Variants in SSUH2 observed in about 807,000 individuals in gnomAD.
SSUH2 encodes the protein protein SSUH2 homolog.
In SSUH2, 47 loss-of-function variants were observed where a neutral mutation model predicts 55.3. That is an observed-to-expected ratio of 0.85 (90% confidence interval 0.67 to 1.08). The LOEUF (loss-of-function observed/expected upper bound fraction) is 1.08. Among genes scored for constraint, SSUH2 ranks in the 50% least tolerant of loss-of-function variants. The probability of loss-of-function intolerance (pLI) is 0.00; values close to 1 mark genes in which losing one functional copy is unlikely to be tolerated. For missense variants in SSUH2, 535 were observed against 490.7 expected (o/e 1.09, Z -0.85); for synonymous variants, 212 against 191.5 (o/e 1.11, Z -0.89).
chr3:8,642,945 C>T (rs145526755), intron 1 of SSUH2, among the ~76,000 whole-genome samples: 26 of 152,292 alleles, frequency 1.7e-4, no homozygotes, highest in African/African-American at 6.0e-4. Flanking sequence ...TGAGTTCCAT[C>T]ACATCTGAGA....
At chr3:8,634,568 G>A (rs1414886806) in intron 3 of SSUH2, 1 of 1,289,698 alleles carries the variant, frequency 7.8e-7, no homozygotes, top group Non-Finnish European at 1.0e-6. Context: ...TCTGTCTTCA[G>A]ATCCATGGAT....
chr3:8,673,566 A>G (rs1704862918), intron 3 of SSUH2, among the ~76,000 whole-genome samples: 1 of 152,184 alleles, frequency 6.6e-6, no homozygotes, highest in Non-Finnish European at 1.5e-5. Flanking sequence ...TTTGCTCCAG[A>G]CTGTTATCCA....
At chr3:8,660,547 C>T (rs759274576) in intron 6 of SSUH2, among the ~76,000 whole-genome samples, 5 of 152,144 alleles carry the variant, frequency 3.3e-5, no homozygotes, top group Non-Finnish European at 7.3e-5. Flanking sequence ...CAACCCCCTG[C>T]CAGAGCAAGA....
chr3:8,631,048 C>A (rs1698671021), intron 5 of SSUH2, 119 bp from the exon 6 acceptor site: 3 of 1,078,822 alleles, frequency 2.8e-6, no homozygotes, highest in South Asian at 8.1e-5. Flanking sequence ...GATCCTGGGG[C>A]TACAGGGATG....
rs35749468 is a variant in SSUH2, at chr3:8,634,447, TC to T, written c.210-653del. 3.9e-6 allele frequency: 5 copies of T among 1,289,944 alleles called. No homozygotes were observed. In the South Asian group the frequency reaches 6.2e-5, roughly 16 times the overall value. 79.9% of individuals were successfully genotyped at this position (1,289,944 alleles called of 1,614,324 possible). On this transcript the variant is annotated intron_variant, in intron 3 of 11. Coordinates refer to ENST00000544814, the MANE Select transcript of SSUH2 (RefSeq NM_001256748.3). The stretch of plus-strand genomic sequence containing the variant: ...TCCAAGAGGAAAGAATCCTCCTTCC[TC>T]CCCTTGCATCTTCATGCATTTCTCC...
intron 6 of SSUH2, 52 bp from the exon 7 acceptor site, chr3:8,629,778 C>T (rs1418016068): frequency 1.3e-6 from 2 of 1,563,426 alleles, no homozygotes; most frequent in Admixed American, 1.7e-5. Context: ...CCACTTCTCC[C>T]ACACCCATAA....
At chr3:8,648,503 T>C (rs570015196), upstream of SSUH2, among the ~76,000 whole-genome samples, 2 of 152,294 alleles carry the variant, frequency 1.3e-5, no homozygotes, top group African/African-American at 4.8e-5. Context: ...ACCTTTCCTT[T>C]TCCTAGCCAA....
At chr3:8,659,638 C>A in intron 6 of SSUH2, 1 of 366,678 alleles carries the variant, frequency 2.7e-6, no homozygotes, top group Non-Finnish European at 5.5e-6. Flanking sequence ...TTCTGTGTGT[C>A]TGCTCACATC....
Position 8,680,648 on chromosome 3 carries a change from G to A in SSUH2, c.-1045-799C>T, listed in dbSNP as rs181936018. On this transcript the variant is annotated intron_variant, in intron 1 of 18. Transcript: ENST00000317371. ...ATATCATCTTCTTCCCTCCAGGATC[G>A]TGGGTACAACATCCCTGGGGGTTTC... 7.9e-5 allele frequency among the ~76,000 whole-genome samples: 12 copies of A among 152,088 alleles called. No individual in the cohort carries two copies. In the East Asian group the frequency reaches 1.2e-3, roughly 15 times the overall value.
intron 1 of SSUH2, among the ~76,000 whole-genome samples, chr3:8,642,810 C>G (rs528955621): frequency 4.3e-4 from 66 of 152,282 alleles, no homozygotes; most frequent in African/African-American, 1.5e-3. Context: ...TATGTAAGGC[C>G]TGTAGCAGGC....
chr3:8,640,035 T>C, intron 1 of SSUH2: 1 of 983,742 alleles, frequency 1.0e-6, no homozygotes, highest in Non-Finnish European at 1.2e-6. Context: ...GTGGTCAAAC[T>C]CACACACACA....
chr3:8,672,071 A>G (rs1291380097), intron 3 of SSUH2: 1 of 151,532 alleles, frequency 6.6e-6, no homozygotes, highest in African/African-American at 2.4e-5. Context: ...GAGTGTTTCC[A>G]CCCCCAGCAG....
At chr3:8,633,918 C>T (rs1699409519) in intron 3 of SSUH2, 123 bp from the exon 4 acceptor site, 3 of 1,614,028 alleles carry the variant, frequency 1.9e-6, no homozygotes, top group East Asian at 4.5e-5. Context: ...AAGCCCTCAG[C>T]AGTCCAACTG....
chr3:8,681,606 C>T (rs1214592279), intron 1 of SSUH2, among the ~76,000 whole-genome samples: 1 of 151,212 alleles, frequency 6.6e-6, no homozygotes, highest in East Asian at 2.0e-4. Flanking sequence ...ACTCTTTTCC[C>T]CCGGCTCTTG....
At chr3:8,651,452 A>G (rs536404472) in intron 7 of SSUH2, among the ~76,000 whole-genome samples, 14 of 152,216 alleles carry the variant, frequency 9.2e-5, no homozygotes, top group South Asian at 2.1e-4. Flanking sequence ...GGCAGTGAGT[A>G]GCAGACCATG....
At chr3:8,669,873 C>T (rs368238528) in intron 5 of SSUH2, among the ~76,000 whole-genome samples, 2 of 151,946 alleles carry the variant, frequency 1.3e-5, no homozygotes, top group African/African-American at 4.8e-5. Context: ...CGGAGGAGAA[C>T]GGGGGACATG....
intron 3 of SSUH2, among the ~76,000 whole-genome samples, chr3:8,676,346 G>A (rs1575399911): frequency 6.6e-6 from 1 of 151,820 alleles, no homozygotes; most frequent in Non-Finnish European, 1.5e-5. Context: ...CCTCTCCCAC[G>A]TTGCAATTAG....
intron 3 of SSUH2, chr3:8,634,341 T>C: frequency 3.2e-6 from 4 of 1,266,064 alleles, no homozygotes; most frequent in Non-Finnish European, 4.1e-6. Context: ...GCCCTCTTTC[T>C]GCATGCCTCC....
chr3:8,678,184 C>T lies in SSUH2; in HGVS notation c.-900-831G>A, dbSNP rs375942246. Among the ~76,000 whole-genome samples, 25 of 152,128 alleles carry T rather than the reference C, an allele frequency of 1.6e-4. No homozygotes were observed. In the East Asian group the frequency reaches 2.7e-3, roughly 17 times the overall value. On this transcript the variant is annotated intron_variant, in intron 2 of 18. Coordinates refer to the SSUH2 transcript ENST00000317371. Reference sequence around the variant, plus strand: ...TTCCACTTTCTGCCATACATGAAGTCATATCACCCCCTCCGCCTTGGAATA... The same window carrying T: ...TTCCACTTTCTGCCATACATGAAGTTATATCACCCCCTCCGCCTTGGAATA...
Sources: allele counts gnomAD v4.1 joint callset (sites outside exome capture counted in the v4.1 genomes callset), GRCh38; gene constraint gnomAD v4.1.1; transcripts MANE v1.5; gene names NCBI Gene and HGNC (gene_info 2026-07-23, HGNC 2026-07-21).